DACH2: variants seen among roughly 807,000 people sequenced by gnomAD.
DACH2 encodes dachshund family transcription factor 2, also known as dachshund homolog 2.
Under a neutral mutation model 35.8 loss-of-function variants are expected in DACH2, and 17 were observed. The ratio of observed to expected loss-of-function variants is 0.48; its 90% CI spans 0.33 to 0.71. DACH2 has a LOEUF of 0.71. Among genes scored for constraint, DACH2 ranks in the 30% least tolerant of loss-of-function variants. The probability of loss-of-function intolerance (pLI) is 0.02; values close to 1 mark genes in which losing one functional copy is unlikely to be tolerated. For missense variants in DACH2, 469 were observed against 472.7 expected, an observed-to-expected ratio of 0.99 and a Z score of 0.07; for synonymous variants, 195 against 177.3, an observed-to-expected ratio of 1.10 and a Z score of -0.79.
At chrX:86,504,390 C>T (rs2038293484) in intron 2 of DACH2, among the ~76,000 whole-genome samples, 1 of 110,707 alleles carries the variant, frequency 9.0e-6, no homozygotes. Flanking sequence ...TTCCTGGAAT[C>T]AATTGTCTTA....
intron 2 of DACH2, among the ~76,000 whole-genome samples, chrX:86,456,467 C>T (rs1164308413): frequency 9.0e-6 from 1 of 111,720 alleles, no homozygotes; most frequent in Non-Finnish European, 1.9e-5. Context: ...GTGTTATTAT[C>T]TTGCAATAAC....
chrX:86,206,720 C>T (rs1045704991), intron 1 of DACH2, among the ~76,000 whole-genome samples: 1 of 111,567 alleles, frequency 9.0e-6, no homozygotes, highest in Non-Finnish European at 1.9e-5. Context: ...CTGTTTGCTT[C>T]GTTGGGTGTA....
chrX:86,526,482 A>T (rs1190728706), intron 3 of DACH2, among the ~76,000 whole-genome samples: 1 of 111,467 alleles, frequency 9.0e-6, no homozygotes, highest in Non-Finnish European at 1.9e-5. Flanking sequence ...CTTTCTGGCA[A>T]TGTCTAAAAT....
intron 1 of DACH2, among the ~76,000 whole-genome samples, chrX:86,364,314 C>T (rs2035777649): frequency 9.0e-6 from 1 of 111,176 alleles, no homozygotes; most frequent in African/African-American, 3.3e-5. Context: ...TAAGGGAAGG[C>T]ATTCACAGAT....
chrX:86,289,234 G>A (rs1022600621), intron 1 of DACH2, among the ~76,000 whole-genome samples: 4 of 106,446 alleles, frequency 3.8e-5, no homozygotes, highest in East Asian at 3.0e-4. Flanking sequence ...CTATTCTGCT[G>A]TGGCTGAGCT....
In DACH2 at chrX:86,533,354, G is replaced by A. The variant is rs1328723379; in HGVS notation, c.640+18963G>A. ...ACTCTTCTATGCCCTTTCATTGAAA[G>A]TAAAGTTAAAATTCCTTCACATAGA... On this transcript the variant is annotated intron_variant, in intron 3 of 11. Coordinates refer to ENST00000373125, the MANE Select transcript of DACH2 (RefSeq NM_053281.3). 3.6e-5 allele frequency among the ~76,000 whole-genome samples: 4 copies of A among 112,010 alleles called. No individual in the cohort carries two copies. In the Admixed American group the frequency reaches 3.8e-4, roughly 11 times the overall value.
Position 86,315,834 on chromosome X carries a change from C to CAGAG in DACH2, c.489-60989_489-60988insGAGA, listed in dbSNP as rs1418420950. ...ACACACACACACACACACACACACA[C>CAGAG]ACACACAGAGAGAGAGAGGGAGATT... On this transcript the variant is annotated intron_variant, in intron 1 of 11. Coordinates refer to ENST00000373125, the MANE Select transcript of DACH2 (RefSeq NM_053281.3). Among the ~76,000 whole-genome samples the CAGAG allele has an allele frequency of 9.5e-3, 735 of 76,965 alleles. 6 individuals are homozygous for CAGAG. The highest frequency in any genetic ancestry group is 0.014 in the South Asian group (17 of 1,236). 66.8% of individuals were successfully genotyped at this position (76,965 alleles called of 115,157 possible).
At chrX:86,783,018 G>A (rs1047615998) in intron 7 of DACH2, among the ~76,000 whole-genome samples, 5 of 111,695 alleles carry the variant, frequency 4.5e-5, no homozygotes, top group African/African-American at 1.3e-4. Flanking sequence ...CTACCCATCT[G>A]GCAAGGGATT....
At chrX:86,208,167 T>C (rs1433620741) in intron 1 of DACH2, among the ~76,000 whole-genome samples, 1 of 110,490 alleles carries the variant, frequency 9.1e-6, no homozygotes, top group African/African-American at 3.3e-5. Flanking sequence ...AAGGTATGAA[T>C]ATATCATAAA....
intron 5 of DACH2, among the ~76,000 whole-genome samples, chrX:86,701,113 A>G (rs2041137390): frequency 1.8e-5 from 2 of 111,719 alleles, no homozygotes; most frequent in Admixed American, 9.6e-5. Context: ...AAAATCTTCA[A>G]GAAAATACTA....
At chrX:86,759,101 T>C (rs2041855416) in intron 7 of DACH2, among the ~76,000 whole-genome samples, 1 of 111,502 alleles carries the variant, frequency 9.0e-6, no homozygotes, top group Non-Finnish European at 1.9e-5. Context: ...TCTCTATCTA[T>C]GAGTTCAGTT....
chrX:86,527,706 A>G (rs752314593), intron 3 of DACH2, among the ~76,000 whole-genome samples: 75 of 112,070 alleles, frequency 6.7e-4, no homozygotes, highest in African/African-American at 2.3e-3. Context: ...TACCTTGATT[A>G]AAACTAGAAA....
At chrX:86,217,861 G>A (rs1253491332) in intron 1 of DACH2, among the ~76,000 whole-genome samples, 1 of 111,567 alleles carries the variant, frequency 9.0e-6, no homozygotes, top group African/African-American at 3.3e-5. Context: ...GAAATTGTAA[G>A]GAGAGTGAAT....
intron 2 of DACH2, among the ~76,000 whole-genome samples, chrX:86,457,992 A>T (rs2037505581): frequency 8.9e-6 from 1 of 112,128 alleles, no homozygotes; most frequent in African/African-American, 3.2e-5. Context: ...ATGAAACAAT[A>T]CAGTGGTCAA....
At chrX:86,541,449 T>C (rs1233601837) in intron 3 of DACH2, among the ~76,000 whole-genome samples, 1 of 111,304 alleles carries the variant, frequency 9.0e-6, no homozygotes, top group Non-Finnish European at 1.9e-5. Context: ...AATATATACA[T>C]ATTTATACAA....
intron 1 of DACH2, among the ~76,000 whole-genome samples, chrX:86,254,807 T>TATATATAGAG (rs1380613474): frequency 1.5e-3 from 74 of 49,629 alleles, no homozygotes; most frequent in East Asian, 6.6e-3. Flanking sequence ...TATATATATA[T>TATATATAGAG]AGAGAGAGAG....
intron 1 of DACH2, among the ~76,000 whole-genome samples, chrX:86,160,052 A>C (rs964653922): frequency 1.9e-5 from 2 of 107,011 alleles, no homozygotes; most frequent in African/African-American, 7.4e-5. Flanking sequence ...AAAAAAAAAA[A>C]CAAAAAAAAC....
chrX:86,572,139 T>C (rs1264280085), intron 3 of DACH2, among the ~76,000 whole-genome samples: 1 of 111,000 alleles, frequency 9.0e-6, no homozygotes, highest in Non-Finnish European at 1.9e-5. Flanking sequence ...ATATACCTAA[T>C]GTAAATTATG....
chrX:86,715,584 T>C (rs1334614279), intron 6 of DACH2, among the ~76,000 whole-genome samples: 1 of 111,576 alleles, frequency 9.0e-6, no homozygotes, highest in African/African-American at 3.3e-5. Context: ...ACTCAACAAA[T>C]ATTATACCCT....
Sources: gnomAD v4.1 joint callset for allele counts (sites outside exome capture counted in the v4.1 genomes callset) on GRCh38, gnomAD v4.1.1 for gene constraint, MANE v1.5 for transcripts, NCBI Gene and HGNC (gene_info 2026-07-23, HGNC 2026-07-21) for gene names.